The following IL1RAPL2 variants were observed in gnomAD, a reference collection of about 807,000 sequenced individuals.
IL1RAPL2 encodes the protein X-linked interleukin-1 receptor accessory protein-like 2.
In IL1RAPL2, 3 loss-of-function variants were observed where a neutral mutation model predicts 44.1. That is an observed-to-expected ratio of 0.07 (90% CI 0.03 to 0.18). The LOEUF (loss-of-function observed/expected upper bound fraction) is 0.18, where lower values mean the gene tolerates loss of function less well. IL1RAPL2 is among the 10% of genes least tolerant of loss of function. The pLI, the probability that IL1RAPL2 is intolerant of heterozygous loss-of-function variation, is 1.00. For synonymous variants in IL1RAPL2, 181 were observed against 178.8 expected (o/e 1.01, Z -0.10); for missense variants, 391 against 496.4 (o/e 0.79, Z 2.02).
intron 9 of IL1RAPL2, among the ~76,000 whole-genome samples, chrX:105,749,736 G>A (rs973867317): frequency 8.9e-6 from 1 of 111,788 alleles, no homozygotes; most frequent in Non-Finnish European, 1.9e-5. Flanking sequence ...GTGAAATATC[G>A]ATAAAGCAGT....
intron 2 of IL1RAPL2, among the ~76,000 whole-genome samples, chrX:104,673,274 A>G (rs1278064439): frequency 9.0e-6 from 1 of 111,561 alleles, no homozygotes; most frequent in African/African-American, 3.3e-5. Flanking sequence ...TGATTTTTGT[A>G]TAAGGTGTAA....
At chrX:105,618,594 TATATGTG>T (rs1432245978) in intron 6 of IL1RAPL2, among the ~76,000 whole-genome samples, 1 of 111,591 alleles carries the variant, frequency 9.0e-6, no homozygotes, top group Non-Finnish European at 1.9e-5. Context: ...CACCAGTTAC[TATATGTG>T]TGACCTTGAG....
chrX:104,942,170 C>G (rs888287732), intron 2 of IL1RAPL2, among the ~76,000 whole-genome samples: 2 of 111,944 alleles, frequency 1.8e-5, no homozygotes, highest in South Asian at 7.4e-4. Context: ...TTAGGATCAT[C>G]TTGGAAATGC....
At chrX:105,438,875 A>T (rs1269007164) in intron 5 of IL1RAPL2, among the ~76,000 whole-genome samples, 2 of 110,456 alleles carry the variant, frequency 1.8e-5, no homozygotes, top group Non-Finnish European at 3.8e-5. Flanking sequence ...GTGTGTGCCC[A>T]CCCAAATCTC....
intron 4 of IL1RAPL2, among the ~76,000 whole-genome samples, chrX:105,261,515 T>G (rs2034359881): frequency 9.0e-6 from 1 of 111,437 alleles, no homozygotes; most frequent in South Asian, 3.7e-4. Context: ...TGTTTTGTTT[T>G]TTGAGTTGGT....
chrX:105,456,522 A>C (rs906860089), intron 5 of IL1RAPL2, among the ~76,000 whole-genome samples: 4 of 111,413 alleles, frequency 3.6e-5, no homozygotes, highest in African/African-American at 1.3e-4. Context: ...GATAGTTTTT[A>C]ACATGAAGAG....
At chrX:104,880,620 A>G (rs1175959169) in intron 2 of IL1RAPL2, among the ~76,000 whole-genome samples, 3 of 111,859 alleles carry the variant, frequency 2.7e-5, no homozygotes, top group African/African-American at 9.7e-5. Flanking sequence ...CTAAGCAAGG[A>G]CACAGCTTCA....
At chrX:104,654,148 C>A (rs992254254) in intron 1 of IL1RAPL2, among the ~76,000 whole-genome samples, 1 of 110,958 alleles carries the variant, frequency 9.0e-6, no homozygotes, top group Non-Finnish European at 1.9e-5. Flanking sequence ...CAATTCCTTA[C>A]CCTTTTCAGT....
chrX:105,650,307 A>G (rs1247256877), intron 6 of IL1RAPL2, among the ~76,000 whole-genome samples: 1 of 111,927 alleles, frequency 8.9e-6, no homozygotes, highest in Non-Finnish European at 1.9e-5. Context: ...GTTTATAGGG[A>G]CATTTGAAGA....
intron 6 of IL1RAPL2, among the ~76,000 whole-genome samples, chrX:105,713,369 G>T (rs2038228949): frequency 9.0e-6 from 1 of 111,173 alleles, no homozygotes; most frequent in African/African-American, 3.3e-5. Flanking sequence ...TAGGCGGAGG[G>T]TCCCAAAGCT....
intron 5 of IL1RAPL2, among the ~76,000 whole-genome samples, chrX:105,363,303 TATATAA>T (rs1326590380): frequency 8.9e-5 from 7 of 78,585 alleles, no homozygotes; most frequent in African/African-American, 6.1e-4. Flanking sequence ...TATATATATA[TATATAA>T]TATATATATA....
chrX:104,632,883 T>G (rs976983195), intron 1 of IL1RAPL2, among the ~76,000 whole-genome samples: 18 of 111,098 alleles, frequency 1.6e-4, no homozygotes, highest in African/African-American at 3.6e-4. Context: ...CTATGTTGAA[T>G]AGGAGTGTTG....
chrX:105,347,179 G>A (rs1244561229), intron 5 of IL1RAPL2, among the ~76,000 whole-genome samples: 1 of 111,638 alleles, frequency 9.0e-6, no homozygotes, highest in East Asian at 2.8e-4. Flanking sequence ...ACCTGGAAAG[G>A]GTTTGTCTTT....
chrX:105,227,180 C>T (rs1364367601), intron 3 of IL1RAPL2, among the ~76,000 whole-genome samples: 1 of 109,617 alleles, frequency 9.1e-6, no homozygotes, highest in Non-Finnish European at 1.9e-5. Context: ...ATGTAACTAA[C>T]CTGCACATTG....
At chrX:104,690,169 G>A (rs1931067181) in intron 2 of IL1RAPL2, among the ~76,000 whole-genome samples, 1 of 112,390 alleles carries the variant, frequency 8.9e-6, no homozygotes, top group Non-Finnish European at 1.9e-5. Context: ...TGTTTATTCA[G>A]TAACTCATTT....
intron 2 of IL1RAPL2, among the ~76,000 whole-genome samples, chrX:104,785,768 G>A (rs1215593770): frequency 1.8e-5 from 2 of 112,413 alleles, no homozygotes; most frequent in Non-Finnish European, 3.7e-5. Flanking sequence ...TCTAAGAAGC[G>A]ACTGTGGCAA....
intron 2 of IL1RAPL2, among the ~76,000 whole-genome samples, chrX:104,792,631 T>C (rs1044488582): frequency 1.8e-5 from 2 of 111,496 alleles, no homozygotes; most frequent in Non-Finnish European, 3.8e-5. Flanking sequence ...AAGTAGATCA[T>C]GGGATTGAAA....
intron 2 of IL1RAPL2, among the ~76,000 whole-genome samples, chrX:104,898,948 T>C (rs1351181945): frequency 8.9e-6 from 1 of 112,430 alleles, no homozygotes; most frequent in African/African-American, 3.2e-5. Flanking sequence ...GAATATACTT[T>C]TTACTGCAAA....
At chrX:104,991,615 T>A (rs2030664184) in intron 2 of IL1RAPL2, among the ~76,000 whole-genome samples, 1 of 111,260 alleles carries the variant, frequency 9.0e-6, no homozygotes, top group Non-Finnish European at 1.9e-5. Flanking sequence ...AAAAAATGAG[T>A]CTATAAGCCA....
Sources: gnomAD v4.1 joint callset for allele counts (sites outside exome capture counted in the v4.1 genomes callset) on GRCh38, gnomAD v4.1.1 for gene constraint, MANE v1.5 for transcripts, NCBI Gene and HGNC (gene_info 2026-07-23, HGNC 2026-07-21) for gene names.